The following ARIH2 variants were observed in gnomAD, a reference collection of about 807,000 sequenced individuals.
The protein encoded by ARIH2 is ariadne RBR E3 ubiquitin protein ligase 2.
Under a neutral mutation model 79.8 loss-of-function variants are expected in ARIH2, and 12 were observed. The ratio of observed to expected loss-of-function variants is 0.15; its 90% confidence interval spans 0.10 to 0.24. The LOEUF (loss-of-function observed/expected upper bound fraction) is 0.24. Among genes scored for constraint, ARIH2 ranks in the 10% least tolerant of loss-of-function variants. The probability of loss-of-function intolerance (pLI) is 1.00; values close to 1 mark genes in which losing one functional copy is unlikely to be tolerated. For synonymous variants in ARIH2, 224 were observed against 213.9 expected, an observed-to-expected ratio of 1.05 and a Z score of -0.41; for missense variants, 301 against 618.3, an observed-to-expected ratio of 0.49 and a Z score of 5.44.
At position 48,938,913 on chromosome 3, in the gene ARIH2, CAAAAAAAAA is replaced by C. The variant is rs1158929356; in HGVS notation, c.255+11118_255+11126del. Among the ~76,000 whole-genome samples, 381 of 54,426 alleles carry C rather than the reference CAAAAAAAAA, an allele frequency of 7.0e-3. 7 individuals carry two copies. In the Middle Eastern group the frequency reaches 0.079, roughly 11 times the overall value. 35.7% of individuals were successfully genotyped at this position (54,426 alleles called of 152,430 possible). On this transcript the variant is annotated intron_variant, in intron 3 of 15. Transcript: ENST00000356401. ...CCCTGTCCCCACTGGGTCTTTAGAC[CAAAAAAAAA>C]AAAAAAAAAAAAAAAAACCAACTAC...
intron 2 of ARIH2, among the ~76,000 whole-genome samples, chr3:48,926,201 C>A (rs911116491): frequency 2.0e-5 from 3 of 151,996 alleles, no homozygotes; most frequent in Non-Finnish European, 4.4e-5. Flanking sequence ...AGTAACATTT[C>A]GCTGTTTGCG....
At chr3:48,962,949 A>G (rs558136439) in intron 4 of ARIH2, among the ~76,000 whole-genome samples, 1 of 152,008 alleles carries the variant, frequency 6.6e-6, no homozygotes, top group Admixed American at 6.6e-5. Flanking sequence ...GCTCACTGCA[A>G]CCTCCATCTC....
intron 3 of ARIH2, among the ~76,000 whole-genome samples, chr3:48,950,549 A>G (rs1172509560): frequency 6.6e-6 from 1 of 152,200 alleles, no homozygotes; most frequent in Non-Finnish European, 1.5e-5. Flanking sequence ...GCAATCAACT[A>G]TTAATTTTAT....
chr3:48,956,366 T>C (rs889450022), intron 3 of ARIH2, among the ~76,000 whole-genome samples: 1 of 149,306 alleles, frequency 6.7e-6, no homozygotes, highest in African/African-American at 2.5e-5. Context: ...CTCGAACTCC[T>C]GACCTCAGGT....
intron 4 of ARIH2, among the ~76,000 whole-genome samples, chr3:48,962,238 G>A (rs1339240892): frequency 8.6e-5 from 13 of 151,920 alleles, no homozygotes; most frequent in Admixed American, 7.9e-4. Context: ...TCAACCTGGC[G>A]TGGTGGTGCA....
At chr3:48,941,662 G>A (rs1219514754) in intron 3 of ARIH2, among the ~76,000 whole-genome samples, 4 of 146,736 alleles carry the variant, frequency 2.7e-5, no homozygotes, top group Non-Finnish European at 4.5e-5. Flanking sequence ...GCGCAATCTC[G>A]GCTCACTGCA....
intron 1 of ARIH2, among the ~76,000 whole-genome samples, chr3:48,920,211 G>T (rs2084614519): frequency 6.6e-6 from 1 of 151,892 alleles, no homozygotes; most frequent in Non-Finnish European, 1.5e-5. Flanking sequence ...GAACTGCTGG[G>T]CTCAAGCTAT....
chr3:48,933,840 C>G (rs995796653), intron 3 of ARIH2, among the ~76,000 whole-genome samples: 1 of 152,060 alleles, frequency 6.6e-6, no homozygotes. Context: ...TGTGAGCCAC[C>G]GCGCCTGTCC....
chr3:48,967,017 C>T, intron 5 of ARIH2, 108 bp from the exon 6 acceptor site: 1 of 1,217,500 alleles, frequency 8.2e-7, no homozygotes, highest in Non-Finnish European at 1.2e-6. Context: ...AGCTCTGATA[C>T]TTGTTGCAGG....
chr3:48,967,330 C>T, intron 6 of ARIH2, 55 bp downstream of exon 6: 1 of 1,570,268 alleles, frequency 6.4e-7, no homozygotes, highest in Non-Finnish European at 8.7e-7. Flanking sequence ...ATCTTTGACT[C>T]TGCCTTTTCA....
intron 2 of ARIH2, among the ~76,000 whole-genome samples, chr3:48,923,652 G>T (rs1363067660): frequency 6.6e-6 from 1 of 151,786 alleles, no homozygotes. Flanking sequence ...CTCCTGAGTA[G>T]CTGGGATTAC....
At position 48,973,682 on chromosome 3, in the gene ARIH2, T is replaced by G; in HGVS notation, c.771-17T>G. The G allele has an allele frequency of 6.3e-7, 1 of 1,597,514 alleles. No homozygotes were observed. Among genetic ancestry groups the G allele is most frequent in the Non-Finnish European group, 8.6e-7 (1 of 1,166,032 alleles). On this transcript the variant is annotated splice_polypyrimidine_tract_variant and intron_variant, in intron 8 of 15. Coordinates refer to ENST00000356401, the MANE Select transcript of ARIH2 (RefSeq NM_006321.4). Reference sequence around the variant, plus strand: ...GACTTAATGAATATTTGAATGTTTTTCTTTTCCAATTTTAAGTTTCAAGTG... The same window carrying G: ...GACTTAATGAATATTTGAATGTTTTGCTTTTCCAATTTTAAGTTTCAAGTG...
chr3:48,982,338 C>T (rs1212407446), intron 14 of ARIH2, among the ~76,000 whole-genome samples: 2 of 152,044 alleles, frequency 1.3e-5, no homozygotes, highest in Admixed American at 1.3e-4. Context: ...CTGGTAAATA[C>T]CATTTTGTTA....
intron 3 of ARIH2, among the ~76,000 whole-genome samples, chr3:48,929,970 G>T (rs2086152523): frequency 6.6e-6 from 1 of 152,200 alleles, no homozygotes; most frequent in African/African-American, 2.4e-5. Context: ...AAGGAAGAGA[G>T]TTGAAACAGT....
At chr3:48,936,889 A>ATGG in intron 3 of ARIH2, among the ~76,000 whole-genome samples, 1 of 151,958 alleles carries the variant, frequency 6.6e-6, no homozygotes. Context: ...TTAGCCGGGC[A>ATGG]TGGTGGCAGG....
At chr3:48,928,774 G>T (rs2085978445) in intron 3 of ARIH2, among the ~76,000 whole-genome samples, 1 of 151,128 alleles carries the variant, frequency 6.6e-6, no homozygotes, top group Non-Finnish European at 1.5e-5. Context: ...CTAATACCTT[G>T]AATTTAGATA....
chr3:48,963,567 T>A (rs1357499026), intron 4 of ARIH2, among the ~76,000 whole-genome samples: 1 of 152,228 alleles, frequency 6.6e-6, no homozygotes, highest in Non-Finnish European at 1.5e-5. Flanking sequence ...TGGAAAATTA[T>A]TGTAGGTAAC....
intron 3 of ARIH2, among the ~76,000 whole-genome samples, chr3:48,951,014 G>C (rs998275039): frequency 3.4e-5 from 5 of 148,864 alleles, no homozygotes; most frequent in Non-Finnish European, 7.4e-5. Flanking sequence ...CCAGGCTGGA[G>C]TGCAGTAGAG....
intron 3 of ARIH2, among the ~76,000 whole-genome samples, chr3:48,946,812 C>A (rs2089218818): frequency 6.6e-6 from 1 of 152,010 alleles, no homozygotes; most frequent in South Asian, 2.1e-4. Flanking sequence ...CTGCTCAGAC[C>A]CCATCTTTGA....
Sources: gnomAD v4.1 joint callset for allele counts (sites outside exome capture counted in the v4.1 genomes callset) on GRCh38, gnomAD v4.1.1 for gene constraint, MANE v1.5 for transcripts, NCBI Gene and HGNC (gene_info 2026-07-23, HGNC 2026-07-21) for gene names.